Variants in TEC observed in about 807,000 individuals in gnomAD.
The protein encoded by TEC is tyrosine-protein kinase Tec.
In TEC, 72 loss-of-function variants were observed where a neutral mutation model predicts 93.0. The observed-to-expected ratio is 0.77, with a 90% CI of 0.64 to 0.94. The LOEUF (loss-of-function observed/expected upper bound fraction) is 0.94. Ranked by LOEUF, TEC falls within the 40% of genes least tolerant of loss-of-function variation. The pLI, the probability that TEC is intolerant of heterozygous loss-of-function variation, is 0.00. For synonymous variants in TEC, 249 were observed against 247.7 expected (o/e 1.01, Z -0.05); for missense variants, 630 against 757.9 (o/e 0.83, Z 1.98).
At chr4:48,181,333 G>GC in intron 2 of TEC, among the ~76,000 whole-genome samples, 1 of 152,074 alleles carries the variant, frequency 6.6e-6, no homozygotes. Context: ...GCTTATTCTA[G>GC]CCACATCTGA....
chr4:48,213,711 C>G (rs750936385), intron 2 of TEC, among the ~76,000 whole-genome samples: 24 of 152,154 alleles, frequency 1.6e-4, no homozygotes, highest in Non-Finnish European at 2.6e-4. Context: ...CAGTTGATAA[C>G]TTTGTTTATA....
At chr4:48,179,356 ATATATATATATATATATATATTTT>A (rs1721473282) in intron 2 of TEC, among the ~76,000 whole-genome samples, 1 of 34,502 alleles carries the variant, frequency 2.9e-5, no homozygotes, top group African/African-American at 1.2e-4. Flanking sequence ...ATATATATAT[ATATATATATATATATATATATTTT>A]TTTTTTTTTT....
chr4:48,141,406 C>G lies in TEC; in HGVS notation c.1484G>C (p.Cys495Ser). The G allele has an allele frequency of 6.2e-7, 1 of 1,613,738 alleles. No individual in the cohort carries two copies. Among genetic ancestry groups the G allele is most frequent in the Non-Finnish European group, 8.5e-7 (1 of 1,179,890 alleles). ...FIHRDLAARNCLVSEAGVVKV... is the reference protein window; with the variant it reads ...FIHRDLAARNSLVSEAGVVKV... ...TACAACTCCCGCCTCACTTACTAGA[C>G]AATTTCTGGCAGCCTGGAAAACAAC... The change falls in exon 15 of 18, where the codon TGT (cysteine) becomes TCT (serine). Residue 495 changes from cysteine to serine, a missense_variant. Physicochemically the swap from Cys to Ser is moderately radical, Grantham distance 112. Around this residue, in one of 3 missense-constraint regions of TEC, gnomAD observed 289 missense variants for 390.0 expected, o/e 0.74. Coordinates refer to ENST00000381501, the MANE Select transcript of TEC (RefSeq NM_003215.3).
chr4:48,144,458 G>A (rs1414235961), intron 14 of TEC, among the ~76,000 whole-genome samples: 1 of 151,568 alleles, frequency 6.6e-6, no homozygotes, highest in African/African-American at 2.4e-5. Flanking sequence ...GTAAAGAACA[G>A]GTAGAGAAGA....
intron 2 of TEC, among the ~76,000 whole-genome samples, chr4:48,216,237 G>T (rs1457513758): frequency 1.7e-5 from 2 of 118,186 alleles, no homozygotes; most frequent in Non-Finnish European, 1.8e-5. Context: ...CAATCTCTAC[G>T]CCCCAGGAAA....
intron 5 of TEC, among the ~76,000 whole-genome samples, chr4:48,169,932 A>G (rs748425145): frequency 2.0e-5 from 3 of 152,190 alleles, no homozygotes; most frequent in African/African-American, 7.2e-5. Flanking sequence ...CTAGCTCCAC[A>G]TCTTGGTTTA....
chr4:48,182,120 TA>T (rs1721615254), intron 2 of TEC, among the ~76,000 whole-genome samples: 1 of 151,942 alleles, frequency 6.6e-6, no homozygotes, highest in African/African-American at 2.4e-5. Flanking sequence ...CCATCTCTAC[TA>T]AAGATACAAA....
chr4:48,219,175 G>T (rs999125064), intron 2 of TEC, among the ~76,000 whole-genome samples: 3 of 152,188 alleles, frequency 2.0e-5, no homozygotes, highest in Admixed American at 6.5e-5. Flanking sequence ...CGGGTATAGG[G>T]TCAGGTGCTG....
At chr4:48,156,768 G>A in intron 8 of TEC, 34 bp from the exon 9 acceptor site, 1 of 1,537,166 alleles carries the variant, frequency 6.5e-7, no homozygotes, top group Non-Finnish European at 8.8e-7. Context: ...TCAGGCCTCA[G>A]GTTTTTAGGA....
intron 1 of TEC, among the ~76,000 whole-genome samples, chr4:48,237,787 G>T (rs1199569965): frequency 6.6e-6 from 1 of 152,160 alleles, no homozygotes; most frequent in African/African-American, 2.4e-5. Flanking sequence ...CAGAACAGGT[G>T]ACCTTATTTC....
chr4:48,165,595 TC>T (rs34540941), intron 7 of TEC, among the ~76,000 whole-genome samples: 5,552 of 152,224 alleles, frequency 0.036, 333 homozygotes, highest in African/African-American at 0.13. Flanking sequence ...AAGTAGGACA[TC>T]CAGAGATCAC....
Position 48,150,905 on chromosome 4 carries a change from T to G in TEC, c.830A>C (p.Gln277Pro). 1 of 1,589,510 alleles carries G rather than the reference T, an allele frequency of 6.3e-7. No homozygotes were observed. The highest frequency in any genetic ancestry group is 8.6e-7 in the Non-Finnish European group (1 of 1,169,174). Residue 277 changes from glutamine (Q) to proline (P), a missense_variant, in exon 10 of 18, where the codon CAA (glutamine) becomes CCA (proline). Gln to Pro is a moderately conservative substitution (Grantham distance 76). This residue lies in a region of TEC where 335 missense variants were observed against 351.5 expected (regional missense o/e 0.95). Transcript: ENST00000381501. Reference protein sequence around the residue: ...EGGFMVRDSSQPGLYTVSLYT... With the variant: ...EGGFMVRDSSPPGLYTVSLYT... ...AAGGGAGACTGTGTACAAGCCTGGT[T>G]GACTGGAATCCCTTACCATAAAACC...
intron 2 of TEC, among the ~76,000 whole-genome samples, chr4:48,185,783 CT>C: frequency 1.1e-4 from 2 of 17,752 alleles, no homozygotes; most frequent in Non-Finnish European, 2.2e-4. Flanking sequence ...GGCTCTCCCT[CT>C]CCCTCCCCCT....
chr4:48,179,349 TATATATATATATATATATATATATATA>T lies in TEC; in HGVS notation c.139-3190_139-3164del, dbSNP rs1721467017. 6.9e-4 allele frequency among the ~76,000 whole-genome samples: 20 copies of T among 29,010 alleles called. 1 individual carries two copies. Among genetic ancestry groups the T allele is most frequent in the South Asian group, 4.3e-3 (3 of 696 alleles). The allele number at this position is 29,010 out of a possible 152,430, so 19.0% of individuals were successfully genotyped here. A position where few individuals can be genotyped will look rare whatever the true frequency, so the allele number is the denominator to read the frequency against. ...TAATGACGTGGGTAGTATATATATA[TATATATATATATATATATATATATATA>T]TTTTTTTTTTTTTTTTTTTTTTTTC... On this transcript the variant is annotated intron_variant, in intron 2 of 17. Transcript: ENST00000381501.
chr4:48,243,994 A>ATC (rs1389413043), intron 1 of TEC, among the ~76,000 whole-genome samples: 1 of 150,368 alleles, frequency 6.7e-6, no homozygotes, highest in Non-Finnish European at 1.5e-5. Flanking sequence ...AGGTAGAGAG[A>ATC]TAACCAGCAA....
chr4:48,199,071 A>G (rs1271160485), intron 2 of TEC, among the ~76,000 whole-genome samples: 1 of 152,314 alleles, frequency 6.6e-6, no homozygotes, highest in Non-Finnish European at 1.5e-5. Flanking sequence ...TTCTCCTTTT[A>G]CAGGTGAAGA....
At chr4:48,194,736 T>C (rs1722232594) in intron 2 of TEC, among the ~76,000 whole-genome samples, 1 of 152,194 alleles carries the variant, frequency 6.6e-6, no homozygotes, top group Non-Finnish European at 1.5e-5. Flanking sequence ...GCCAGGTCTC[T>C]AGTAGCAGAC....
chr4:48,155,337 C>T (rs533960643), intron 9 of TEC, among the ~76,000 whole-genome samples: 7 of 152,262 alleles, frequency 4.6e-5, no homozygotes, highest in East Asian at 3.9e-4. Flanking sequence ...AAGCTCATAG[C>T]GTAGAGGAAG....
At chr4:48,205,658 ACTC>A (rs1722692822) in intron 2 of TEC, among the ~76,000 whole-genome samples, 1 of 87,400 alleles carries the variant, frequency 1.1e-5, no homozygotes, top group Non-Finnish European at 3.2e-5. Flanking sequence ...ACCACTTCAC[ACTC>A]ACTAGGACAG....
Sources: allele counts gnomAD v4.1 joint callset (sites outside exome capture counted in the v4.1 genomes callset), GRCh38; gene constraint gnomAD v4.1.1; regional missense constraint gnomAD v4.1.1; transcripts MANE v1.5; gene names NCBI Gene and HGNC (gene_info 2026-07-23, HGNC 2026-07-21).